SPTBN4: variants seen among roughly 807,000 people sequenced by gnomAD.
The protein encoded by SPTBN4 is spectrin beta chain, non-erythrocytic 4.
SPTBN4 carries 96 observed loss-of-function variants against 277.8 expected under a neutral mutation model. That is an observed-to-expected ratio of 0.35 (90% CI 0.29 to 0.41). The LOEUF (loss-of-function observed/expected upper bound fraction) is 0.41, where lower values mean the gene tolerates loss of function less well. Ranked by LOEUF, SPTBN4 falls within the 10% of genes least tolerant of loss-of-function variation. The probability of loss-of-function intolerance (pLI) is 1.00; values close to 1 mark genes in which losing one functional copy is unlikely to be tolerated. For missense variants in SPTBN4, 3,006 were observed against 3,595.7 expected, an observed-to-expected ratio of 0.84 and a Z score of 4.19; for synonymous variants, 1,481 against 1,580.3, an observed-to-expected ratio of 0.94 and a Z score of 1.49.
rs1217512098 is a variant in SPTBN4 at position 40,519,243 on chromosome 19, C to T, written c.2904-158C>T. On this transcript the variant is annotated intron_variant, in intron 15 of 35. Transcript: ENST00000598249. This position sits in a 1 kb window ranked among gnomAD's most constrained non-coding sequence, Gnocchi z 5.7. The stretch of plus-strand genomic sequence containing the variant: ...ATGGCTGCCCTAAGCAAAAGTGCTG[C>T]GTAGGGTTCCATTTTACACCGGCAG... Among the ~76,000 whole-genome samples, 1 of 152,206 alleles carries T rather than the reference C, an allele frequency of 6.6e-6. No homozygotes were observed. The highest frequency in any genetic ancestry group is 1.5e-5 in the Non-Finnish European group (1 of 68,042).
chr19:40,509,646 C>T (rs1258410279), intron 13 of SPTBN4, among the ~76,000 whole-genome samples: 1 of 152,200 alleles, frequency 6.6e-6, no homozygotes, highest in Non-Finnish European at 1.5e-5. Context: ...AAACTGAGGC[C>T]CAGGCCATGG....
chr19:40,484,263 AT>A (rs2080044398), intron 2 of SPTBN4, among the ~76,000 whole-genome samples: 1 of 152,232 alleles, frequency 6.6e-6, no homozygotes, highest in South Asian at 2.1e-4. Flanking sequence ...GAAAAAGGAA[AT>A]TATTGAGAGA....
Position 40,504,138 on chromosome 19 carries a change from G to C in SPTBN4, c.1665+6G>C, listed in dbSNP as rs10420988. On this transcript the variant is annotated splice_donor_region_variant and intron_variant, in intron 12 of 35. Transcript: ENST00000598249. ...ACTGGATGGAGGAGATGCAGGTGCC[G>C]GCGGGGGGGCGGGGATGCGGGTGGA... 1 of 1,418,672 alleles carries C rather than the reference G, an allele frequency of 7.0e-7. No homozygotes were observed. Among genetic ancestry groups the C allele is most frequent in the African/African-American group, 1.6e-5 (1 of 62,270 alleles). 87.9% of individuals were successfully genotyped at this position (1,418,672 alleles called of 1,614,324 possible). A position where few individuals can be genotyped will look rare whatever the true frequency, so the allele number is the denominator to read the frequency against.
At chr19:40,484,512 T>C (rs998036785) in intron 2 of SPTBN4, among the ~76,000 whole-genome samples, 2 of 151,744 alleles carry the variant, frequency 1.3e-5, no homozygotes, top group Middle Eastern at 3.4e-3. Context: ...CTCAGAGAGG[T>C]CAGTGTACAT....
chr19:40,565,673 C>T lies in SPTBN4; in HGVS notation c.6067C>T (p.Leu2023=). 6.4e-7 allele frequency: 1 copy of T among 1,555,950 alleles called. No individual in the cohort carries two copies. Among genetic ancestry groups the T allele is most frequent in the Non-Finnish European group, 8.7e-7 (1 of 1,149,206 alleles). The change falls in exon 29 of 36, where the codon CTG becomes TTG. Residue 2023 remains leucine (L), a synonymous_variant. Coordinates refer to ENST00000598249, the MANE Select transcript of SPTBN4 (RefSeq NM_020971.3). ...SAMADEIQAQ[L]DKLGTRKEEV... is the part of the protein sequence containing the mutation. ...CTGCCACTCCCAGATCCAGGCACAG[C>T]TGGACAAGCTGGGAACCAGGAAGGA...
intron 20 of SPTBN4, among the ~76,000 whole-genome samples, chr19:40,544,605 G>A (rs1378865501): frequency 5.3e-5 from 8 of 151,310 alleles, no homozygotes; most frequent in Admixed American, 5.3e-4. Flanking sequence ...CTGCCATCAC[G>A]CCTGGCTAAT....
chr19:40,489,236 GAA>G (rs984322881), intron 3 of SPTBN4, among the ~76,000 whole-genome samples: 1 of 145,712 alleles, frequency 6.9e-6, no homozygotes, highest in South Asian at 2.2e-4. Context: ...AAAAAAGAAA[GAA>G]AAAAAAGAAT....
chr19:40,575,828 A>G lies in SPTBN4; in HGVS notation c.*259A>G. 3.0e-6 allele frequency: 1 copy of G among 329,270 alleles called. No individual in the cohort carries two copies. The highest frequency in any genetic ancestry group is 5.6e-5 in the South Asian group (1 of 17,892). 20.4% of individuals were successfully genotyped at this position (329,270 alleles called of 1,614,324 possible). ...GCTGGGGGTCCCTTATTTTTATGCA[A>G]TAACTGAGCTTGATGGGGGTGGGCA... On this transcript the variant is annotated 3_prime_UTR_variant, in exon 36 of 36. Transcript: ENST00000598249.
At chr19:40,485,544 G>A (rs991980888) in intron 2 of SPTBN4, among the ~76,000 whole-genome samples, 2 of 152,160 alleles carry the variant, frequency 1.3e-5, no homozygotes, top group African/African-American at 2.4e-5. Context: ...GGTAGCTCGA[G>A]CCTGTAATCT....
chr19:40,533,984 TC>T, intron 19 of SPTBN4, 95 bp from the exon 20 acceptor site: 1 of 1,423,942 alleles, frequency 7.0e-7, no homozygotes, highest in Non-Finnish European at 9.3e-7. Context: ...TCTTTTCACA[TC>T]CTTCCCTGTG....
chr19:40,474,025 A>G (rs540600440), intron 2 of SPTBN4, among the ~76,000 whole-genome samples: 1 of 151,516 alleles, frequency 6.6e-6, no homozygotes, highest in Admixed American at 6.6e-5. Flanking sequence ...GGTGGCATGC[A>G]TCTGTAGTTC....
intron 11 of SPTBN4, 137 bp downstream of exon 11, chr19:40,503,070 G>A: frequency 1.7e-6 from 2 of 1,155,354 alleles, no homozygotes; most frequent in Non-Finnish European, 2.4e-6. Context: ...ATGAGGATGG[G>A]GATGGGAGAC....
Position 40,554,787 on chromosome 19 carries a change from A to G in SPTBN4, c.5084+141A>G. 7.4e-7 allele frequency: 1 copy of G among 1,350,926 alleles called. No homozygotes were observed. Among genetic ancestry groups the G allele is most frequent in the Non-Finnish European group, 1.0e-6 (1 of 986,704 alleles). 83.7% of individuals were successfully genotyped at this position (1,350,926 alleles called of 1,614,324 possible). On this transcript the variant is annotated intron_variant, in intron 24 of 35. Transcript: ENST00000598249. This position sits in a 1 kb window ranked among gnomAD's most constrained non-coding sequence, Gnocchi z 5.7. ...TGTGCTGGAGCCCTCGAATTTGGCA[A>G]GTGGGCGGGCCGGAATGGGGGGACA... is the stretch of plus-strand genomic sequence containing the variant.
intron 2 of SPTBN4, among the ~76,000 whole-genome samples, chr19:40,483,586 C>G (rs2080036259): frequency 6.6e-6 from 1 of 152,054 alleles, no homozygotes; most frequent in Non-Finnish European, 1.5e-5. Context: ...AAGGAAATAT[C>G]TTGTTTGTGT....
At position 40,557,106 on chromosome 19, in the gene SPTBN4, G is replaced by A. The variant is rs1568374293; in HGVS notation, c.5373G>A (p.Val1791=). ...RERLAAVNQM[V]DELIECGHTA... is the part of the protein sequence containing the mutation. ...GGCTGGCAGCTGTGAACCAGATGGT[G>A]GATGAGCTGATCGAGTGTGGCCATA... Residue 1791 remains valine (V), a synonymous_variant, in exon 26 of 36, where the codon GTG becomes GTA. Transcript: ENST00000598249. 9 of 1,608,842 alleles carry A rather than the reference G, an allele frequency of 5.6e-6. No homozygotes were observed. The highest frequency in any genetic ancestry group is 2.2e-5 in the East Asian group (1 of 44,648).
intron 2 of SPTBN4, among the ~76,000 whole-genome samples, chr19:40,484,888 C>T (rs1005405039): frequency 3.3e-5 from 5 of 151,830 alleles, no homozygotes; most frequent in African/African-American, 7.2e-5. Context: ...GCTGAGATCG[C>T]GCCACTGCAC....
At position 40,472,710 on chromosome 19, in the gene SPTBN4, G is replaced by A. The variant is rs779001495; in HGVS notation, c.89G>A (p.Arg30Gln). ...NPAARWESPD[R>Q]GWEREQPAAS... is the part of the protein sequence containing the mutation. Reference sequence around the variant, plus strand: ...GCTGCCCGCTGGGAGAGTCCGGATCGGGGCTGGGAGCGGGAGCAGCCGGCT... The same window carrying A: ...GCTGCCCGCTGGGAGAGTCCGGATCAGGGCTGGGAGCGGGAGCAGCCGGCT... The change falls in exon 2 of 36, where the codon CGG becomes CAG. Residue 30 changes from arginine to glutamine, a missense_variant. Physicochemically the swap from Arg to Gln is conservative, Grantham distance 43 (BLOSUM62 1). Transcript: ENST00000598249. 4.3e-6 allele frequency: 7 copies of A among 1,612,338 alleles called. No homozygotes were observed. Among genetic ancestry groups the A allele is most frequent in the Admixed American group, 1.7e-5 (1 of 59,818 alleles).
intron 15 of SPTBN4, among the ~76,000 whole-genome samples, chr19:40,516,852 C>T (rs1167343471): frequency 2.6e-5 from 4 of 151,938 alleles, no homozygotes; most frequent in Admixed American, 2.6e-4. Flanking sequence ...AACAAACAAA[C>T]AAAAACCTCC....
At chr19:40,569,293 C>T (rs529592018) in intron 31 of SPTBN4, among the ~76,000 whole-genome samples, 6 of 152,062 alleles carry the variant, frequency 3.9e-5, no homozygotes, top group Admixed American at 2.6e-4. Flanking sequence ...GGCATGGTGG[C>T]GCACGCCTGT....
Sources: allele counts gnomAD v4.1 joint callset (sites outside exome capture counted in the v4.1 genomes callset), GRCh38; gene constraint gnomAD v4.1.1; non-coding constraint Gnocchi (gnomAD v3.1); transcripts MANE v1.5; gene names NCBI Gene and HGNC (gene_info 2026-07-23, HGNC 2026-07-21).